CHST9: variants seen among roughly 807,000 people sequenced by gnomAD.
CHST9 encodes GalNAc-4-sulfotransferase 2.
Under a neutral mutation model 44.4 loss-of-function variants are expected in CHST9, and 41 were observed. The observed-to-expected ratio is 0.92, with a 90% CI of 0.72 to 1.20. The LOEUF is 1.20. Among genes scored for constraint, CHST9 ranks in the 50% most tolerant of loss-of-function variants. The pLI, the probability that CHST9 is intolerant of heterozygous loss-of-function variation, is 0.00. For synonymous variants in CHST9, 171 were observed against 178.4 expected (o/e 0.96, Z 0.33); for missense variants, 504 against 516.5 (o/e 0.98, Z 0.23).
At chr18:27,009,147 C>T (rs190930457) in intron 4 of CHST9, among the ~76,000 whole-genome samples, 3 of 152,208 alleles carry the variant, frequency 2.0e-5, no homozygotes, top group Non-Finnish European at 4.4e-5. Context: ...ATCTGTAACT[C>T]GGATTCAGTC....
chr18:26,981,902 C>T (rs770796230), intron 4 of CHST9, among the ~76,000 whole-genome samples: 1 of 152,176 alleles, frequency 6.6e-6, no homozygotes, highest in Non-Finnish European at 1.5e-5. Context: ...CTTATCAGCT[C>T]TCTCGATCAG....
At chr18:27,144,404 C>T (rs757432523) in intron 1 of CHST9, among the ~76,000 whole-genome samples, 4 of 152,116 alleles carry the variant, frequency 2.6e-5, no homozygotes, top group Non-Finnish European at 4.4e-5. Context: ...TCAGGGCTGG[C>T]GAGGTGGCTC....
rs750756957 is a variant in CHST9 at position 26,917,278 on chromosome 18, T to C, written c.313A>G (p.Thr105Ala). 15 of 1,613,786 alleles carry C rather than the reference T, an allele frequency of 9.3e-6. No homozygotes were observed. In the East Asian group the frequency reaches 2.0e-4, roughly 22 times the overall value. ...ENLLLNSERSTRLLTKTSHSQ... is the reference protein window; with the variant it reads ...ENLLLNSERSARLLTKTSHSQ... ...TGACTGGTCTTTGTTAAGAGCCTAG[T>C]AGATCTCTCAGAATTGAGTAGAAGA... The change falls in exon 6 of 6, where the codon ACT (threonine) becomes GCT (alanine). Residue 105 changes from threonine (T) to alanine (A), a missense_variant. By Grantham distance (58) the Thr-to-Ala change is moderately conservative. Coordinates refer to ENST00000618847, the MANE Select transcript of CHST9 (RefSeq NM_031422.6).
intron 4 of CHST9, among the ~76,000 whole-genome samples, chr18:26,964,616 C>T (rs1425426151): frequency 6.6e-6 from 1 of 152,240 alleles, no homozygotes; most frequent in African/African-American, 2.4e-5. Flanking sequence ...GTCTACCAGT[C>T]AGGGCCTGGG....
At chr18:26,926,740 C>T (rs761377342) in intron 5 of CHST9, among the ~76,000 whole-genome samples, 1 of 152,090 alleles carries the variant, frequency 6.6e-6, no homozygotes, top group Non-Finnish European at 1.5e-5. Flanking sequence ...AAACTCAAAG[C>T]CTTAATGAGG....
At chr18:27,033,954 A>C (rs2057365881) in intron 3 of CHST9, among the ~76,000 whole-genome samples, 1 of 152,122 alleles carries the variant, frequency 6.6e-6, no homozygotes, top group African/African-American at 2.4e-5. Flanking sequence ...TCCATTACTT[A>C]CATGTCATCG....
At chr18:26,917,712 C>T (rs1386399769) in intron 5 of CHST9, among the ~76,000 whole-genome samples, 1 of 152,056 alleles carries the variant, frequency 6.6e-6, no homozygotes, top group Non-Finnish European at 1.5e-5. Flanking sequence ...AATGTAGATA[C>T]AAAATGGAGA....
intron 2 of CHST9, among the ~76,000 whole-genome samples, chr18:27,115,700 A>G (rs753220896): frequency 2.6e-5 from 4 of 151,934 alleles, no homozygotes; most frequent in Non-Finnish European, 5.9e-5. Context: ...TTTTGTAGAG[A>G]TGGGGTCTCA....
At chr18:27,123,832 C>T (rs1905240915) in intron 2 of CHST9, among the ~76,000 whole-genome samples, 1 of 152,188 alleles carries the variant, frequency 6.6e-6, no homozygotes, top group Non-Finnish European at 1.5e-5. Context: ...GGACCTCCAT[C>T]TTATACTGGG....
chr18:26,961,088 A>G (rs2056392759), intron 4 of CHST9, among the ~76,000 whole-genome samples: 1 of 152,182 alleles, frequency 6.6e-6, no homozygotes, highest in Admixed American at 6.5e-5. Flanking sequence ...AATGAGGCAT[A>G]CAGATACTAA....
chr18:27,062,283 G>A (rs1374744641), intron 2 of CHST9, among the ~76,000 whole-genome samples: 1 of 151,986 alleles, frequency 6.6e-6, no homozygotes, highest in Non-Finnish European at 1.5e-5. Flanking sequence ...TTTACATTAG[G>A]TATATCTCCT....
intron 4 of CHST9, among the ~76,000 whole-genome samples, chr18:26,959,893 T>C (rs2056377406): frequency 6.6e-6 from 1 of 151,988 alleles, no homozygotes; most frequent in Non-Finnish European, 1.5e-5. Context: ...GATGGAAAAG[T>C]GTAGATGAAT....
intron 2 of CHST9, among the ~76,000 whole-genome samples, chr18:27,082,867 G>C (rs551893890): frequency 1.3e-5 from 2 of 152,234 alleles, no homozygotes; most frequent in Admixed American, 1.3e-4. Flanking sequence ...CGTGCAATTT[G>C]TTAGGTTTAA....
At chr18:27,101,936 T>C (rs993428720) in intron 2 of CHST9, among the ~76,000 whole-genome samples, 3 of 152,192 alleles carry the variant, frequency 2.0e-5, no homozygotes, top group African/African-American at 7.2e-5. Flanking sequence ...AATCACCTAT[T>C]AAGTAAATTA....
At chr18:26,958,711 C>G (rs956068225) in intron 4 of CHST9, among the ~76,000 whole-genome samples, 13 of 152,192 alleles carry the variant, frequency 8.5e-5, no homozygotes, top group East Asian at 1.9e-4. Flanking sequence ...TCAGCAAACA[C>G]AAGAAAAAAT....
chr18:27,016,877 G>A (rs369766090), intron 4 of CHST9, among the ~76,000 whole-genome samples: 8 of 152,078 alleles, frequency 5.3e-5, no homozygotes, highest in African/African-American at 1.7e-4. Context: ...ATATTATTAG[G>A]AGAGTTTCAT....
In CHST9 at chr18:26,922,189, C is replaced by CAT. The variant is rs540446358; in HGVS notation, c.241-4840_241-4839insAT. Among the ~76,000 whole-genome samples, 513 of 152,230 alleles carry CAT rather than the reference C, an allele frequency of 3.4e-3. 7 individuals carry two copies. The highest frequency in any genetic ancestry group is 0.011 in the African/African-American group (456 of 41,522). On this transcript the variant is annotated intron_variant, in intron 5 of 5. Coordinates refer to ENST00000618847, the MANE Select transcript of CHST9 (RefSeq NM_031422.6). ...GCTTCTCTCTTAACACATGCCCTGTCCTCCACTTGCTTTTATCTGGGCTCT... is the reference window on the plus strand; with the variant it reads ...GCTTCTCTCTTAACACATGCCCTGTCATCTCCACTTGCTTTTATCTGGGCTCT...
In CHST9 at chr18:26,907,533, T is replaced by TC. The variant is rs2055385879; in HGVS notation, c.*8725dup. 6.6e-6 allele frequency: 1 copy of TC among 150,590 alleles called. No individual in the cohort carries two copies. The highest frequency in any genetic ancestry group is 6.6e-5 in the Admixed American group (1 of 15,084). 9.3% of individuals were successfully genotyped at this position (150,590 alleles called of 1,614,324 possible). A position where few individuals can be genotyped will look rare whatever the true frequency, so the allele number is the denominator to read the frequency against. On this transcript the variant is annotated 3_prime_UTR_variant, in exon 6 of 6. Transcript: ENST00000618847. Reference sequence around the variant, plus strand: ...CTAAAGCAAGGAGAGTGGAAGAGAGTCCCCAAGCAGAGAGGGTAGAGCGAG... The same window carrying TC: ...CTAAAGCAAGGAGAGTGGAAGAGAGTCCCCCAAGCAGAGAGGGTAGAGCGAG...
chr18:27,087,491 C>T (rs2058024142), intron 2 of CHST9, among the ~76,000 whole-genome samples: 1 of 152,036 alleles, frequency 6.6e-6, no homozygotes, highest in Admixed American at 6.6e-5. Context: ...ATTTTTTCTC[C>T]CTAATATGTA....
Sources: allele counts gnomAD v4.1 joint callset (sites outside exome capture counted in the v4.1 genomes callset), GRCh38; gene constraint gnomAD v4.1.1; transcripts MANE v1.5; gene names NCBI Gene and HGNC (gene_info 2026-07-23, HGNC 2026-07-21).